The following RNF213 variants were observed in gnomAD, a reference collection of about 807,000 sequenced individuals.
The protein encoded by RNF213 is ring finger protein 213.
A neutral mutation model predicts 514.4 loss-of-function variants in RNF213; 341 were observed. That is an observed-to-expected ratio of 0.66 (90% CI 0.61 to 0.73). RNF213 has a LOEUF of 0.73. Ranked by LOEUF, RNF213 falls within the 30% of genes least tolerant of loss-of-function variation. The pLI is 0.00. For missense variants in RNF213, 5,767 were observed against 6,615.6 expected, an observed-to-expected ratio of 0.87 and a Z score of 4.45; for synonymous variants, 2,655 against 2,658.2, an observed-to-expected ratio of 1.00 and a Z score of 0.04.
intron 15 of RNF213, 87 bp downstream of exon 15, chr17:80,313,254 C>A: frequency 6.5e-7 from 1 of 1,546,562 alleles, no homozygotes; most frequent in Non-Finnish European, 8.9e-7. Flanking sequence ...AGGCTGCTGG[C>A]CAGGGGCAGT....
chr17:80,330,170 C>G (rs903882861), intron 20 of RNF213, among the ~76,000 whole-genome samples: 2 of 152,152 alleles, frequency 1.3e-5, no homozygotes, highest in Admixed American at 6.5e-5. Context: ...CTGTCCTGTT[C>G]TTGTTCACGT....
In RNF213 at chr17:80,345,273, C is replaced by G; in HGVS notation, c.6938C>G (p.Thr2313Arg). 1.2e-6 allele frequency: 2 copies of G among 1,614,128 alleles called. No homozygotes were observed. Among genetic ancestry groups the G allele is most frequent in the African/African-American group, 1.3e-5 (1 of 75,040 alleles). ...TACGTTTTCTTCAATGACGACCACACAACCATGACATTCATCGGCTTCCAT... is the reference window on the plus strand; with the variant it reads ...TACGTTTTCTTCAATGACGACCACAGAACCATGACATTCATCGGCTTCCAT... ...HPYVFFNDDH[T>R]TMTFIGFHLQ... Residue 2313 changes from threonine to arginine, a missense_variant, in exon 29 of 68, where the codon ACA becomes AGA. Around this residue, in one of 13 missense-constraint regions of RNF213, gnomAD observed 1,377 missense variants for 1,635.2 expected, o/e 0.84. Transcript: ENST00000582970. This position sits in a 1 kb window ranked among gnomAD's most constrained non-coding sequence, Gnocchi z 6.0.
intron 15 of RNF213, among the ~76,000 whole-genome samples, chr17:80,314,288 GGTGATGGTGGTGGAC>G (rs2045746568): frequency 1.0e-5 from 1 of 99,982 alleles, no homozygotes; most frequent in Non-Finnish European, 2.0e-5. Context: ...AGGTACTGGA[GGTGATGGTGGTGGAC>G]GTGATGGTGG....
At chr17:80,299,103 G>T (rs545885950) in intron 11 of RNF213, among the ~76,000 whole-genome samples, 34 of 152,186 alleles carry the variant, frequency 2.2e-4, no homozygotes, top group Non-Finnish European at 4.1e-4. Flanking sequence ...GGTGTTTTAT[G>T]TACTTAAAAG....
At position 80,345,380 on chromosome 17, in the gene RNF213, G is replaced by C. The variant is rs1386537655; in HGVS notation, c.7045G>C (p.Asp2349His). The C allele has an allele frequency of 1.2e-6, 2 of 1,614,052 alleles. No individual in the cohort carries two copies. ...CATCAAGAGAGACGTCATGACCAGGGACCTGTACCAGGGCCTGCTGCTCCA... is the reference window on the plus strand; with the variant it reads ...CATCAAGAGAGACGTCATGACCAGGCACCTGTACCAGGGCCTGCTGCTCCA... ...KVIKRDVMTR[D>H]LYQGLLLQRV... Residue 2349 changes from aspartate (D) to histidine (H), a missense_variant, in exon 29 of 68, where the codon GAC becomes CAC. Physicochemically the swap from Asp to His is moderately conservative, Grantham distance 81 (BLOSUM62 -1). Around this residue, in one of 13 missense-constraint regions of RNF213, gnomAD observed 1,377 missense variants for 1,635.2 expected, o/e 0.84. Coordinates refer to ENST00000582970, the MANE Select transcript of RNF213 (RefSeq NM_001256071.3). This position sits in a 1 kb window ranked among gnomAD's most constrained non-coding sequence, Gnocchi z 6.0.
At chr17:80,300,365 A>G (rs2045131878) in intron 11 of RNF213, among the ~76,000 whole-genome samples, 1 of 151,746 alleles carries the variant, frequency 6.6e-6, no homozygotes, top group African/African-American at 2.4e-5. Context: ...CCTCGGCACA[A>G]GCGATTCTGC....
At position 80,313,051 on chromosome 17, in the gene RNF213, G is replaced by A. The variant is rs1426930334; in HGVS notation, c.2695G>A (p.Val899Ile). Residue 899 changes from valine (V) to isoleucine (I), a missense_variant, in exon 15 of 68, where the codon GTC becomes ATC. Physicochemically the swap from Val to Ile is conservative, Grantham distance 29 (BLOSUM62 3). Coordinates refer to ENST00000582970, the MANE Select transcript of RNF213 (RefSeq NM_001256071.3). ...GQRDETGNNS[V>I]QTVFQGTLAA... ...GAGAGATGAAACTGGAAATAATTCA[G>A]TCCAAACAGTCTTCCAAGGGACCCT... 1.2e-6 allele frequency: 2 copies of A among 1,613,922 alleles called. No individual in the cohort carries two copies. Among genetic ancestry groups the A allele is most frequent in the African/African-American group, 2.7e-5 (2 of 74,936 alleles).
At chr17:80,328,622 G>T in intron 20 of RNF213, 145 bp downstream of exon 20, 4 of 679,344 alleles carry the variant, frequency 5.9e-6, no homozygotes, top group African/African-American at 5.5e-5. Context: ...TGGGGGGATC[G>T]CTTTCACCTC....
chr17:80,274,950 TG>T (rs201574428), intron 3 of RNF213, among the ~76,000 whole-genome samples: 507 of 26,402 alleles, frequency 0.019, 3 homozygotes, highest in Non-Finnish European at 0.025. Context: ...GGTGTGTGAG[TG>T]GGGGGTGTGT....
chr17:80,386,164 T>C, intron 61 of RNF213, 86 bp from the exon 62 acceptor site: 5 of 1,319,504 alleles, frequency 3.8e-6, no homozygotes, highest in Non-Finnish European at 5.4e-6. Context: ...GTGGAGCTGA[T>C]GGCTTCTGCA....
chr17:80,398,636 G>A lies in RNF213; in HGVS notation c.*5138G>A, dbSNP rs2080706937. On this transcript the variant is annotated 3_prime_UTR_variant, in exon 68 of 68. Transcript: ENST00000582970. ...CGCCCCAACAGTGGTTGAGAGAACA[G>A]CAGCATAAGTGGCTGGCAGAGGCAA... is the stretch of plus-strand genomic sequence containing the variant. The A allele has an allele frequency of 1.8e-5, 2 of 111,924 alleles. No individual in the cohort carries two copies. The highest frequency in any genetic ancestry group is 3.2e-4 in the South Asian group (1 of 3,142). 6.9% of individuals were successfully genotyped at this position (111,924 alleles called of 1,614,324 possible).
intron 26 of RNF213, among the ~76,000 whole-genome samples, chr17:80,342,560 T>TTA (rs201533911): frequency 0.018 from 2,726 of 147,670 alleles, 27 homozygotes; most frequent in Middle Eastern, 0.064. Flanking sequence ...CTCTCTATTT[T>TTA]TATATATATA....
chr17:80,386,498 C>T (rs1420768177), intron 62 of RNF213, 68 bp downstream of exon 62: 4 of 1,550,370 alleles, frequency 2.6e-6, no homozygotes, highest in African/African-American at 2.7e-5. Flanking sequence ...GTGGGGCAGA[C>T]ACAAGCAAGC....
rs980712345 is a variant in RNF213 at position 80,396,709 on chromosome 17, C to A, written c.*3211C>A. The A allele has an allele frequency of 1.5e-5, 2 of 132,062 alleles. No homozygotes were observed. The highest frequency in any genetic ancestry group is 1.7e-4 in the Admixed American group (2 of 11,758). The allele number at this position is 132,062 out of a possible 1,614,324, so 8.2% of individuals were successfully genotyped here. A position where few individuals can be genotyped will look rare whatever the true frequency, so the allele number is the denominator to read the frequency against. On this transcript the variant is annotated 3_prime_UTR_variant, in exon 68 of 68. Coordinates refer to ENST00000582970, the MANE Select transcript of RNF213 (RefSeq NM_001256071.3). ...TCCCGTTTCCAGCTGGAAAAACAAGCGCCAGGAAAGTGCATTTCCCCCCCA... is the reference window on the plus strand; with the variant it reads ...TCCCGTTTCCAGCTGGAAAAACAAGAGCCAGGAAAGTGCATTTCCCCCCCA...
intron 42 of RNF213, chr17:80,365,007 G>A (rs2079204678): frequency 4.1e-6 from 1 of 242,282 alleles, no homozygotes; most frequent in Non-Finnish European, 8.3e-6. Context: ...GGAACAGGAA[G>A]CCACCATGCC....
At chr17:80,300,785 C>T (rs1245237964) in intron 11 of RNF213, among the ~76,000 whole-genome samples, 1 of 152,144 alleles carries the variant, frequency 6.6e-6, no homozygotes, top group East Asian at 1.9e-4. Context: ...CCCCAGACCT[C>T]AAGTGATCCG....
intron 3 of RNF213, among the ~76,000 whole-genome samples, chr17:80,286,732 T>G (rs537953664): frequency 1.3e-5 from 2 of 152,120 alleles, no homozygotes; most frequent in African/African-American, 4.8e-5. Context: ...CCTGGCAGTT[T>G]GGGGCCCTCA....
Position 80,303,743 on chromosome 17 carries a change from G to C in RNF213, c.2211-2509G>C, listed in dbSNP as rs189843062. ...CACACATCACATGTGGCTAATTTTT[G>C]TATTTTTAGTGGAGATGGGTTTTGC... is the stretch of plus-strand genomic sequence containing the variant. On this transcript the variant is annotated intron_variant, in intron 11 of 67. Transcript: ENST00000582970. Among the ~76,000 whole-genome samples the C allele has an allele frequency of 1.7e-3, 250 of 151,416 alleles. 1 individual carries two copies. Among genetic ancestry groups the C allele is most frequent in the African/African-American group, 5.1e-3 (210 of 41,234 alleles).
chr17:80,288,399 C>G lies in RNF213; in HGVS notation c.810+36C>G, dbSNP rs1207744188. On this transcript the variant is annotated intron_variant, in intron 4 of 67. Coordinates refer to ENST00000582970, the MANE Select transcript of RNF213 (RefSeq NM_001256071.3). This position sits in a 1 kb window ranked among gnomAD's most constrained non-coding sequence, Gnocchi z 4.9. The stretch of plus-strand genomic sequence containing the variant: ...CGGGAGAGATGGCCTGGGAGTGGCA[C>G]TGAGCCCTCGGCACCTGGGCTCTGC... The G allele has an allele frequency of 6.2e-7, 1 of 1,609,244 alleles. No individual in the cohort carries two copies. Among genetic ancestry groups the G allele is most frequent in the Non-Finnish European group, 8.5e-7 (1 of 1,179,494 alleles).
Sources: allele counts gnomAD v4.1 joint callset (sites outside exome capture counted in the v4.1 genomes callset), GRCh38; gene constraint gnomAD v4.1.1; regional missense constraint gnomAD v4.1.1; non-coding constraint Gnocchi (gnomAD v3.1); transcripts MANE v1.5; gene names NCBI Gene and HGNC (gene_info 2026-07-23, HGNC 2026-07-21).